SMYD3: variants seen among roughly 807,000 people sequenced by gnomAD.
SMYD3 encodes the protein SET and MYND domain containing 3, also known as histone-lysine N-methyltransferase SMYD3.
A neutral mutation model predicts 57.7 loss-of-function variants in SMYD3; 36 were observed. That is an observed-to-expected ratio of 0.62 (90% CI 0.48 to 0.82). SMYD3 has a LOEUF of 0.82. SMYD3 is among the 40% of genes least tolerant of loss of function. The pLI is 0.00. For missense variants in SMYD3, 515 were observed against 538.8 expected, an observed-to-expected ratio of 0.96 and a Z score of 0.44; for synonymous variants, 211 against 195.0, an observed-to-expected ratio of 1.08 and a Z score of -0.68.
At chr1:246,381,948 TC>T (rs1315556333) in intron 1 of SMYD3, among the ~76,000 whole-genome samples, 1 of 53,864 alleles carries the variant, frequency 1.9e-5, no homozygotes, top group Non-Finnish European at 3.9e-5. Context: ...TAGCCCCAGA[TC>T]CCTCCAGCTG....
chr1:245,858,379 A>C, intron 10 of SMYD3, 117 bp downstream of exon 10: 1 of 1,034,652 alleles, frequency 9.7e-7, no homozygotes, highest in East Asian at 2.7e-5. Flanking sequence ...ACAATGGTTG[A>C]GAAGCAGCTG....
Position 246,238,747 on chromosome 1 carries a change from A to G in SMYD3, c.531+88454T>C, listed in dbSNP as rs543535691. On this transcript the variant is annotated intron_variant, in intron 5 of 11. Coordinates refer to ENST00000490107, the MANE Select transcript of SMYD3 (RefSeq NM_001167740.2). ...TTCATTGCAGAAACTCCTTACATAT[A>G]TTATTTCATATAAGAAGCCTAGATA... Among the ~76,000 whole-genome samples, 146 of 152,238 alleles carry G rather than the reference A, an allele frequency of 9.6e-4. 1 individual carries two copies. Among genetic ancestry groups the G allele is most frequent in the African/African-American group, 3.5e-3 (145 of 41,560 alleles).
intron 6 of SMYD3, 126 bp downstream of exon 6, chr1:245,929,744 G>A: frequency 1.4e-6 from 1 of 717,980 alleles, no homozygotes; most frequent in East Asian, 2.6e-5. Flanking sequence ...GTAATTTATT[G>A]CTAAGTTTTA....
At chr1:246,041,697 A>G (rs2059877166) in intron 5 of SMYD3, among the ~76,000 whole-genome samples, 1 of 152,168 alleles carries the variant, frequency 6.6e-6, no homozygotes. Context: ...TAAACTGGGT[A>G]TATCAGAAAA....
intron 11 of SMYD3, among the ~76,000 whole-genome samples, chr1:245,762,810 C>T (rs2045908134): frequency 6.6e-6 from 1 of 152,212 alleles, no homozygotes; most frequent in South Asian, 2.1e-4. Flanking sequence ...GATCAGCCGG[C>T]CCCTGGACAC....
intron 5 of SMYD3, among the ~76,000 whole-genome samples, chr1:246,255,983 T>TAGACAGACAGAC (rs1406336278): frequency 5.8e-5 from 8 of 138,112 alleles, no homozygotes; most frequent in Admixed American, 5.2e-4. Context: ...GATAGATAGA[T>TAGACAGACAGAC]AGATACACAC....
chr1:245,875,409 G>C (rs2052430985), intron 8 of SMYD3, among the ~76,000 whole-genome samples: 2 of 152,196 alleles, frequency 1.3e-5, no homozygotes, highest in Non-Finnish European at 2.9e-5. Flanking sequence ...GCTGGAAATA[G>C]ATATTCAACT....
chr1:246,256,777 C>A (rs990611557), intron 5 of SMYD3, among the ~76,000 whole-genome samples: 2 of 96,948 alleles, frequency 2.1e-5, no homozygotes, highest in African/African-American at 7.5e-5. Context: ...AAATTGGGAT[C>A]TTTCTAACTT....
intron 5 of SMYD3, among the ~76,000 whole-genome samples, chr1:246,308,746 G>A (rs2065028316): frequency 6.6e-6 from 1 of 152,062 alleles, no homozygotes; most frequent in Non-Finnish European, 1.5e-5. Context: ...CTTCAATATG[G>A]GAGAATTAAT....
intron 5 of SMYD3, among the ~76,000 whole-genome samples, chr1:246,191,560 T>G (rs994916561): frequency 1.3e-5 from 2 of 152,174 alleles, no homozygotes; most frequent in South Asian, 4.1e-4. Flanking sequence ...TCCAAACACA[T>G]GAATAGCTCT....
intron 5 of SMYD3, among the ~76,000 whole-genome samples, chr1:245,959,333 C>G (rs547884559): frequency 6.6e-6 from 1 of 152,278 alleles, no homozygotes; most frequent in South Asian, 2.1e-4. Flanking sequence ...TGTTATTCTA[C>G]GGCTCCCGAC....
At chr1:246,147,355 A>G (rs758324697) in intron 5 of SMYD3, among the ~76,000 whole-genome samples, 7 of 152,158 alleles carry the variant, frequency 4.6e-5, no homozygotes, top group Non-Finnish European at 1.0e-4. Context: ...CCCTCATTTG[A>G]TGTGAGACAA....
At chr1:245,955,747 T>C (rs1449902832) in intron 5 of SMYD3, 2 of 168,726 alleles carry the variant, frequency 1.2e-5, no homozygotes, top group African/African-American at 2.4e-5. Context: ...AGGCACCCTC[T>C]GGGGTACTGG....
intron 5 of SMYD3, among the ~76,000 whole-genome samples, chr1:246,267,225 C>G (rs985413871): frequency 7.2e-5 from 11 of 152,194 alleles, no homozygotes; most frequent in African/African-American, 2.4e-4. Context: ...CCAAAGAAGA[C>G]AGACCACAAT....
At chr1:246,472,307 G>T (rs2067971640) in intron 1 of SMYD3, among the ~76,000 whole-genome samples, 2 of 152,158 alleles carry the variant, frequency 1.3e-5, no homozygotes, top group South Asian at 2.1e-4. Flanking sequence ...GCAATTTAAT[G>T]AGTGGAATAT....
chr1:246,088,487 G>T (rs2060763178), intron 5 of SMYD3, among the ~76,000 whole-genome samples: 5 of 130,486 alleles, frequency 3.8e-5, no homozygotes, highest in Admixed American at 1.5e-4. Context: ...ACAGGCGCCT[G>T]TAGTCCCAGC....
chr1:246,234,283 T>C (rs1368756976), intron 5 of SMYD3, among the ~76,000 whole-genome samples: 2 of 150,158 alleles, frequency 1.3e-5, no homozygotes, highest in East Asian at 4.0e-4. Flanking sequence ...ATTCACACTG[T>C]GATGAACATA....
intron 1 of SMYD3, among the ~76,000 whole-genome samples, chr1:246,492,032 G>C (rs1435125989): frequency 6.6e-6 from 1 of 152,068 alleles, no homozygotes; most frequent in Non-Finnish European, 1.5e-5. Flanking sequence ...AGCAATATAA[G>C]TGACATTTCC....
chr1:245,884,821 C>T (rs1383309523), intron 8 of SMYD3, among the ~76,000 whole-genome samples: 1 of 151,470 alleles, frequency 6.6e-6, no homozygotes, highest in Non-Finnish European at 1.5e-5. Flanking sequence ...TAAAATGGCC[C>T]AATCAGCTCT....
Sources: gnomAD v4.1 joint callset for allele counts (sites outside exome capture counted in the v4.1 genomes callset) on GRCh38, gnomAD v4.1.1 for gene constraint, MANE v1.5 for transcripts, NCBI Gene and HGNC (gene_info 2026-07-23, HGNC 2026-07-21) for gene names.